The following TEX11 variants were observed in gnomAD, a reference collection of about 807,000 sequenced individuals.
TEX11 encodes testis-expressed protein 11.
TEX11 carries 7 observed loss-of-function variants against 84.4 expected under a neutral mutation model. The observed-to-expected ratio is 0.08, with a 90% confidence interval of 0.05 to 0.16. The LOEUF (loss-of-function observed/expected upper bound fraction) is 0.16, where lower values mean the gene tolerates loss of function less well. Ranked by LOEUF, TEX11 falls within the 10% of genes least tolerant of loss-of-function variation. The pLI is 1.00. For synonymous variants in TEX11, 264 were observed against 222.8 expected, an observed-to-expected ratio of 1.18 and a Z score of -1.64; for missense variants, 551 against 660.5, an observed-to-expected ratio of 0.83 and a Z score of 1.82.
At chrX:70,644,666 G>T (rs1300094141) in intron 17 of TEX11, among the ~76,000 whole-genome samples, 2 of 91,027 alleles carry the variant, frequency 2.2e-5, no homozygotes, top group Middle Eastern at 5.4e-3. Flanking sequence ...GTAAACTATC[G>T]CAAGAACAAA....
chrX:70,563,755 G>A (rs908877243), intron 25 of TEX11, among the ~76,000 whole-genome samples: 1 of 112,401 alleles, frequency 8.9e-6, no homozygotes, highest in African/African-American at 3.2e-5. Flanking sequence ...TTTTTCAAAT[G>A]CTTTTTCTGC....
At chrX:70,520,769 C>T in the TEX11 span, among the ~76,000 whole-genome samples, 3 of 112,041 alleles carry the variant, frequency 2.7e-5, no homozygotes, top group African/African-American at 9.7e-5. Flanking sequence ...AGGCAGGCCT[C>T]ATTGAGCTGT....
intron 17 of TEX11, among the ~76,000 whole-genome samples, chrX:70,646,280 T>A (rs1283420207): frequency 8.9e-6 from 1 of 112,026 alleles, no homozygotes; most frequent in African/African-American, 3.2e-5. Context: ...CAAAATAGAT[T>A]AAAGATTTAA....
chrX:70,870,918 G>A (rs1394537067), intron 4 of TEX11, among the ~76,000 whole-genome samples: 8 of 111,049 alleles, frequency 7.2e-5, no homozygotes, highest in African/African-American at 2.0e-4. Context: ...TGATTTTTTG[G>A]GGGGAGGGGG....
chrX:70,860,862 T>C lies in TEX11; in HGVS notation c.319A>G (p.Ile107Val), dbSNP rs1281185459. ...TCTCCTAAATTAAGACTTACCATAA[T>C]CAGTCGTTGAATACTTTGTTCTGAG... is the stretch of plus-strand genomic sequence containing the variant. ...FASEQSIQRL[I>V]MMNMRIGKEW... The change falls in exon 5 of 30, where the codon ATT becomes GTT. Residue 107 changes from isoleucine to valine, a missense_variant. By Grantham distance (29) the Ile-to-Val change is conservative. Transcript: ENST00000374333. The C allele has an allele frequency of 1.7e-6, 2 of 1,184,113 alleles. No individual in the cohort carries two copies. The highest frequency in any genetic ancestry group is 2.3e-6 in the Non-Finnish European group (2 of 876,209).
intron 13 of TEX11, among the ~76,000 whole-genome samples, chrX:70,686,848 C>T (rs761398922): frequency 6.3e-5 from 7 of 110,691 alleles, no homozygotes; most frequent in African/African-American, 9.9e-5. Flanking sequence ...TCAAATTAAC[C>T]GAGTCTTGTA....
chrX:70,809,612 CT>C (rs2091240017), intron 8 of TEX11, among the ~76,000 whole-genome samples: 1 of 111,952 alleles, frequency 8.9e-6, no homozygotes, highest in African/African-American at 3.2e-5. Context: ...AAAGAGCCAA[CT>C]AAAATAACTG....
chrX:70,681,493 A>C (rs2090146989), intron 14 of TEX11, among the ~76,000 whole-genome samples: 1 of 112,409 alleles, frequency 8.9e-6, no homozygotes, highest in African/African-American at 3.2e-5. Flanking sequence ...AAAGTAAACA[A>C]ACTTCCTAGT....
At chrX:70,667,661 C>T (rs997146893) in intron 16 of TEX11, among the ~76,000 whole-genome samples, 59 of 111,410 alleles carry the variant, frequency 5.3e-4, no homozygotes, top group Admixed American at 2.8e-3. Context: ...GGCGCGGTGG[C>T]TCACGCCTGT....
chrX:70,671,139 T>C (rs2090018688), intron 15 of TEX11, among the ~76,000 whole-genome samples: 1 of 111,617 alleles, frequency 9.0e-6, no homozygotes, highest in Non-Finnish European at 1.9e-5. Flanking sequence ...CTGCTGTATT[T>C]GTATATAAAA....
At chrX:70,783,985 C>T (rs1253015253) in intron 9 of TEX11, among the ~76,000 whole-genome samples, 1 of 111,472 alleles carries the variant, frequency 9.0e-6, no homozygotes, top group African/African-American at 3.3e-5. Context: ...ATGAGGTCAG[C>T]ATCATCCTGA....
intron 13 of TEX11, among the ~76,000 whole-genome samples, chrX:70,720,806 T>C (rs1041625020): frequency 1.8e-4 from 19 of 107,782 alleles, no homozygotes; most frequent in African/African-American, 6.4e-4. Context: ...CATATTTTTA[T>C]GTGAAATTTC....
At chrX:70,582,470 G>A (rs1272587019) in intron 25 of TEX11, among the ~76,000 whole-genome samples, 2 of 111,191 alleles carry the variant, frequency 1.8e-5, no homozygotes, top group Admixed American at 1.9e-4. Context: ...TGATGGGCTT[G>A]CTTCCTTAAT....
intron 8 of TEX11, among the ~76,000 whole-genome samples, chrX:70,813,557 C>T (rs1411204731): frequency 1.8e-5 from 2 of 111,032 alleles, no homozygotes; most frequent in African/African-American, 6.5e-5. Context: ...GATGCCCTCT[C>T]TCACCACTCC....
At chrX:70,676,613 TTCTA>T (rs1235660691) in intron 15 of TEX11, among the ~76,000 whole-genome samples, 1 of 112,171 alleles carries the variant, frequency 8.9e-6, no homozygotes, top group Non-Finnish European at 1.9e-5. Context: ...GTTAAGATTT[TTCTA>T]TCTATCTGTG....
chrX:70,812,435 C>G (rs904549155), intron 8 of TEX11, among the ~76,000 whole-genome samples: 4 of 110,742 alleles, frequency 3.6e-5, no homozygotes, highest in African/African-American at 1.3e-4. Context: ...TCTCGATCTC[C>G]TGACCTCGTG....
intron 9 of TEX11, among the ~76,000 whole-genome samples, chrX:70,793,923 A>G (rs772076278): frequency 2.2e-4 from 25 of 111,445 alleles, no homozygotes; most frequent in Non-Finnish European, 3.4e-4. Flanking sequence ...ATTTCAGGAT[A>G]CAAAATAAAT....
intron 16 of TEX11, among the ~76,000 whole-genome samples, chrX:70,665,557 T>C (rs1435712683): frequency 8.9e-6 from 1 of 112,105 alleles, no homozygotes; most frequent in Non-Finnish European, 1.9e-5. Context: ...GATATCTGAA[T>C]GGATAATAGC....
chrX:70,634,503 T>C (rs1224609988), intron 17 of TEX11, among the ~76,000 whole-genome samples: 2 of 111,399 alleles, frequency 1.8e-5, no homozygotes, highest in African/African-American at 6.5e-5. Flanking sequence ...TTGTTAAAGT[T>C]GACTTCAAAT....
Sources: gnomAD v4.1 joint callset for allele counts (sites outside exome capture counted in the v4.1 genomes callset) on GRCh38, gnomAD v4.1.1 for gene constraint, MANE v1.5 for transcripts, NCBI Gene and HGNC (gene_info 2026-07-23, HGNC 2026-07-21) for gene names.